Variants in ZC3H12B observed in about 807,000 individuals in gnomAD.
ZC3H12B encodes zinc finger CCCH-type containing 12B.
Under a neutral mutation model 43.9 loss-of-function variants are expected in ZC3H12B, and 7 were observed. That is an observed-to-expected ratio of 0.16 (90% confidence interval 0.09 to 0.30). The LOEUF is 0.30. ZC3H12B is among the 10% of genes least tolerant of loss of function. The pLI, the probability that ZC3H12B is intolerant of heterozygous loss-of-function variation, is 1.00. For missense variants in ZC3H12B, 475 were observed against 670.2 expected (o/e 0.71, Z 3.22); for synonymous variants, 222 against 241.7 (o/e 0.92, Z 0.76).
chrX:65,262,865 C>T, the ZC3H12B span, among the ~76,000 whole-genome samples: 1 of 110,595 alleles, frequency 9.0e-6, no homozygotes, highest in Non-Finnish European at 1.9e-5. Context: ...TTCTCTCCCT[C>T]TCCACCCCCT....
At chrX:65,122,595 G>A in the ZC3H12B span, among the ~76,000 whole-genome samples, 1 of 111,154 alleles carries the variant, frequency 9.0e-6, no homozygotes, top group Non-Finnish European at 1.9e-5. Flanking sequence ...CTGGCAAATT[G>A]GATAAAGAGT....
chrX:65,227,465 T>C, the ZC3H12B span, among the ~76,000 whole-genome samples: 60 of 109,815 alleles, frequency 5.5e-4, no homozygotes, highest in African/African-American at 1.9e-3. Context: ...ACATCACAAT[T>C]AAAAGAACTA....
chrX:65,137,416 C>T, the ZC3H12B span, among the ~76,000 whole-genome samples: 2 of 111,844 alleles, frequency 1.8e-5, no homozygotes, highest in Non-Finnish European at 3.8e-5. Flanking sequence ...TATCTCTGAC[C>T]TTGATACTGT....
intron 3 of ZC3H12B, among the ~76,000 whole-genome samples, chrX:65,399,698 G>A (rs747174957): frequency 8.9e-6 from 1 of 111,867 alleles, no homozygotes; most frequent in Non-Finnish European, 1.9e-5. Flanking sequence ...CCAAAAGAAA[G>A]TAAATCAGTA....
At chrX:65,052,463 C>A in the ZC3H12B span, among the ~76,000 whole-genome samples, 158 of 110,628 alleles carry the variant, frequency 1.4e-3, 1 homozygote, top group African/African-American at 5.1e-3. Context: ...CACCTCCCCC[C>A]AGAACCCTAC....
the ZC3H12B span, among the ~76,000 whole-genome samples, chrX:65,353,153 T>G: frequency 9.0e-6 from 1 of 111,585 alleles, no homozygotes; most frequent in Non-Finnish European, 1.9e-5. Flanking sequence ...CCACTGTGTG[T>G]GGGCGATAAG....
the ZC3H12B span, among the ~76,000 whole-genome samples, chrX:65,174,202 G>T: frequency 8.9e-6 from 1 of 112,050 alleles, no homozygotes; most frequent in Non-Finnish European, 1.9e-5. Context: ...GTGTCTCCCA[G>T]TCAGGGGGCA....
chrX:65,037,104 G>T, the ZC3H12B span, among the ~76,000 whole-genome samples: 1 of 109,288 alleles, frequency 9.2e-6, no homozygotes, highest in Non-Finnish European at 1.9e-5. Context: ...TTTACCAGTT[G>T]GGTAAATTGC....
intron 2 of ZC3H12B, among the ~76,000 whole-genome samples, chrX:65,393,976 T>C (rs2066661786): frequency 8.9e-6 from 1 of 112,603 alleles, no homozygotes; most frequent in Non-Finnish European, 1.9e-5. Flanking sequence ...TTTCATATGC[T>C]TGTTGGCTAC....
intron 2 of ZC3H12B, among the ~76,000 whole-genome samples, chrX:65,370,995 A>T (rs1293066258): frequency 8.9e-6 from 1 of 111,900 alleles, no homozygotes; most frequent in African/African-American, 3.2e-5. Context: ...TCTTGGCCTC[A>T]CTGTCCCCTT....
At chrX:65,459,323 T>A (rs967600132) in intron 3 of ZC3H12B, among the ~76,000 whole-genome samples, 31 of 111,594 alleles carry the variant, frequency 2.8e-4, no homozygotes, top group South Asian at 7.5e-4. Flanking sequence ...CTCCAATCAA[T>A]AGAAAAAGAG....
At chrX:65,485,955 TC>T (rs2068119005), upstream of ZC3H12B, among the ~76,000 whole-genome samples, 2 of 112,081 alleles carry the variant, frequency 1.8e-5, no homozygotes, top group African/African-American at 6.5e-5. Flanking sequence ...TTATTTTATA[TC>T]CTCAGCTTCT....
intron 2 of ZC3H12B, among the ~76,000 whole-genome samples, chrX:65,394,603 A>T (rs1056236723): frequency 4.5e-5 from 5 of 111,787 alleles, no homozygotes; most frequent in Non-Finnish European, 9.4e-5. Flanking sequence ...TGGTTACTGT[A>T]GCCTTGTAGT....
chrX:65,389,344 C>T (rs1290653939), intron 2 of ZC3H12B, among the ~76,000 whole-genome samples: 2 of 112,182 alleles, frequency 1.8e-5, no homozygotes, highest in Admixed American at 9.4e-5. Context: ...GGCAGGCACC[C>T]GTCCCCCAGC....
the ZC3H12B span, among the ~76,000 whole-genome samples, chrX:65,100,704 T>A: frequency 9.3e-6 from 1 of 107,083 alleles, no homozygotes; most frequent in Non-Finnish European, 1.9e-5. Context: ...GAGCTAACTA[T>A]CCTAAATATA....
At chrX:65,075,439 TAGC>T in the ZC3H12B span, among the ~76,000 whole-genome samples, 2 of 112,483 alleles carry the variant, frequency 1.8e-5, no homozygotes, top group Admixed American at 1.9e-4. Context: ...TCCTGTGGAA[TAGC>T]AGCAAATCAC....
At chrX:65,398,223 C>A (rs1390672274) in intron 2 of ZC3H12B, among the ~76,000 whole-genome samples, 1 of 111,632 alleles carries the variant, frequency 9.0e-6, no homozygotes, top group Non-Finnish European at 1.9e-5. Context: ...TTAATGCAAT[C>A]CCTATCCAAA....
chrX:65,477,819 G>GTC, intron 3 of ZC3H12B, among the ~76,000 whole-genome samples: 1 of 90,868 alleles, frequency 1.1e-5, no homozygotes, highest in Non-Finnish European at 2.2e-5. Context: ...ACATTCCTCT[G>GTC]TGTGTGTGTG....
At chrX:65,306,186 T>C in the ZC3H12B span, among the ~76,000 whole-genome samples, 187 of 112,151 alleles carry the variant, frequency 1.7e-3, no homozygotes, top group African/African-American at 5.7e-3. Context: ...AATGAACTTT[T>C]TGTTACAAAT....
Sources: gnomAD v4.1 joint callset for allele counts (sites outside exome capture counted in the v4.1 genomes callset) on GRCh38, gnomAD v4.1.1 for gene constraint, MANE v1.5 for transcripts, NCBI Gene and HGNC (gene_info 2026-07-23, HGNC 2026-07-21) for gene names.